Variants in KCTD16 observed in about 807,000 individuals in gnomAD.
KCTD16 encodes BTB/POZ domain-containing protein KCTD16.
KCTD16 carries 13 observed loss-of-function variants against 33.2 expected under a neutral mutation model. That is an observed-to-expected ratio of 0.39 (90% CI 0.25 to 0.62). The LOEUF (loss-of-function observed/expected upper bound fraction) is 0.62, where lower values mean the gene tolerates loss of function less well. Ranked by LOEUF, KCTD16 falls within the 20% of genes least tolerant of loss-of-function variation. The pLI, the probability that KCTD16 is intolerant of heterozygous loss-of-function variation, is 0.50. For missense variants in KCTD16, 441 were observed against 525.1 expected (o/e 0.84, Z 1.57); for synonymous variants, 197 against 195.3 (o/e 1.01, Z -0.07).
intron 3 of KCTD16, among the ~76,000 whole-genome samples, chr5:144,371,688 A>C (rs1013032273): frequency 6.6e-6 from 1 of 150,632 alleles, no homozygotes; most frequent in African/African-American, 2.4e-5. Flanking sequence ...TCATGGAAAA[A>C]CTCTAAGAAA....
At chr5:144,445,931 G>A (rs1049744847) in intron 3 of KCTD16, among the ~76,000 whole-genome samples, 2 of 151,856 alleles carry the variant, frequency 1.3e-5, no homozygotes, top group African/African-American at 4.8e-5. Context: ...TCTGTTTTTG[G>A]TCTTAAATTG....
At chr5:144,289,225 A>G (rs1755829841) in intron 3 of KCTD16, among the ~76,000 whole-genome samples, 1 of 152,218 alleles carries the variant, frequency 6.6e-6, no homozygotes, top group African/African-American at 2.4e-5. Flanking sequence ...TTCTTTCTCA[A>G]GCTTCCTATG....
chr5:144,179,356 C>T (rs1752571226), intron 2 of KCTD16, among the ~76,000 whole-genome samples: 1 of 152,146 alleles, frequency 6.6e-6, no homozygotes, highest in Non-Finnish European at 1.5e-5. Flanking sequence ...ACATCCCCCT[C>T]CCCCCATGGG....
chr5:144,186,369 A>AAG (rs1752726603), intron 2 of KCTD16, among the ~76,000 whole-genome samples: 2 of 151,646 alleles, frequency 1.3e-5, no homozygotes, highest in African/African-American at 4.8e-5. Context: ...AAAAAGAAAA[A>AAG]AAAAAAAACT....
chr5:144,212,685 A>T (rs1753434763), intron 3 of KCTD16, among the ~76,000 whole-genome samples: 1 of 152,206 alleles, frequency 6.6e-6, no homozygotes, highest in Non-Finnish European at 1.5e-5. Context: ...AAATGGATAG[A>T]TGAATGCTCA....
At chr5:144,452,543 G>C (rs1269843742) in intron 3 of KCTD16, among the ~76,000 whole-genome samples, 1 of 151,966 alleles carries the variant, frequency 6.6e-6, no homozygotes, top group Non-Finnish European at 1.5e-5. Context: ...AGCATTGCTA[G>C]ATAAAAGTAG....
chr5:144,279,874 T>C (rs1259524648), intron 3 of KCTD16, among the ~76,000 whole-genome samples: 1 of 152,208 alleles, frequency 6.6e-6, no homozygotes, highest in Admixed American at 6.5e-5. Context: ...TTGCTAAGAG[T>C]ATTTTAATCA....
chr5:144,379,351 A>G (rs1379637992), intron 3 of KCTD16, among the ~76,000 whole-genome samples: 3 of 152,190 alleles, frequency 2.0e-5, no homozygotes, highest in African/African-American at 7.2e-5. Flanking sequence ...TTCACGTACT[A>G]GAAGAAGAGG....
chr5:144,216,274 G>T (rs887708131), intron 3 of KCTD16, among the ~76,000 whole-genome samples: 7 of 152,208 alleles, frequency 4.6e-5, no homozygotes, highest in African/African-American at 1.7e-4. Context: ...CACACTGTGA[G>T]TAGCTGTGTT....
intron 3 of KCTD16, among the ~76,000 whole-genome samples, chr5:144,398,732 T>TCTCTCTCTCTCTCTCTCTCTCTCTC (rs773725543): frequency 6.6e-6 from 1 of 151,248 alleles, no homozygotes; most frequent in African/African-American, 2.4e-5. Context: ...TCTCTCTCTC[T>TCTCTCTCTCTCTCTCTCTCTCTCTC]TATATAAATG....
chr5:144,232,453 A>G (rs1029953550), intron 3 of KCTD16, among the ~76,000 whole-genome samples: 1 of 152,232 alleles, frequency 6.6e-6, no homozygotes, highest in Admixed American at 6.5e-5. Context: ...TCAAGGTCAC[A>G]CAGCTGGTGA....
intron 3 of KCTD16, among the ~76,000 whole-genome samples, chr5:144,374,610 A>G (rs1195352549): frequency 6.6e-6 from 1 of 152,174 alleles, no homozygotes; most frequent in Non-Finnish European, 1.5e-5. Context: ...GATTACTAAT[A>G]GAGGTAGTGT....
intron 3 of KCTD16, among the ~76,000 whole-genome samples, chr5:144,345,005 C>T (rs1752751746): frequency 6.6e-6 from 1 of 151,810 alleles, no homozygotes; most frequent in Non-Finnish European, 1.5e-5. Context: ...CACATATACA[C>T]CATGGAATAC....
chr5:144,339,827 G>A lies in KCTD16; in HGVS notation c.832+132281G>A, dbSNP rs112602219. On this transcript the variant is annotated intron_variant, in intron 3 of 3. Transcript: ENST00000512467. ...GGGCTACAATAAAATACGCAGAAAG[G>A]CAAATACATTTAATTAAAACACATT... 9.5e-3 allele frequency among the ~76,000 whole-genome samples: 1,449 copies of A among 152,248 alleles called. 12 individuals are homozygous for A. Among genetic ancestry groups the A allele is most frequent in the Non-Finnish European group, 0.014 (928 of 68,016 alleles).
chr5:144,364,967 A>C (rs916397018), intron 3 of KCTD16, among the ~76,000 whole-genome samples: 1 of 151,946 alleles, frequency 6.6e-6, no homozygotes, highest in Non-Finnish European at 1.5e-5. Flanking sequence ...AGTAATTATC[A>C]TTAGAGATTG....
intron 3 of KCTD16, among the ~76,000 whole-genome samples, chr5:144,230,518 G>T (rs989129619): frequency 1.3e-5 from 2 of 152,132 alleles, no homozygotes; most frequent in South Asian, 2.1e-4. Context: ...AAGAACAAAT[G>T]CATGGTTAAA....
intron 3 of KCTD16, among the ~76,000 whole-genome samples, chr5:144,322,721 C>T (rs1222344158): frequency 2.0e-5 from 3 of 146,398 alleles, no homozygotes; most frequent in East Asian, 2.0e-4. Flanking sequence ...AGGACATAAA[C>T]TTTATTAAAA....
At chr5:144,218,547 T>A (rs1398255755) in intron 3 of KCTD16, among the ~76,000 whole-genome samples, 1 of 152,136 alleles carries the variant, frequency 6.6e-6, no homozygotes, top group Admixed American at 6.5e-5. Context: ...CAATATCATG[T>A]TTTTTTAACT....
intron 1 of KCTD16, among the ~76,000 whole-genome samples, chr5:144,173,636 C>T (rs2126768717): frequency 6.6e-6 from 1 of 152,196 alleles, no homozygotes; most frequent in South Asian, 2.1e-4. Flanking sequence ...AAAAATTTGC[C>T]TGTTTAGGAA....
Sources: allele counts gnomAD v4.1 joint callset (sites outside exome capture counted in the v4.1 genomes callset), GRCh38; gene constraint gnomAD v4.1.1; transcripts MANE v1.5; gene names NCBI Gene and HGNC (gene_info 2026-07-23, HGNC 2026-07-21).